Variants in OPCML observed in about 807,000 individuals in gnomAD.
The protein encoded by OPCML is opioid-binding protein/cell adhesion molecule.
In OPCML, 13 loss-of-function variants were observed where a neutral mutation model predicts 37.8. The observed-to-expected ratio is 0.34, with a 90% CI of 0.22 to 0.55. The LOEUF (loss-of-function observed/expected upper bound fraction) is 0.55. Among genes scored for constraint, OPCML ranks in the 20% least tolerant of loss-of-function variants. The pLI, the probability that OPCML is intolerant of heterozygous loss-of-function variation, is 0.91. For synonymous variants in OPCML, 176 were observed against 168.8 expected, an observed-to-expected ratio of 1.04 and a Z score of -0.33; for missense variants, 341 against 435.6, an observed-to-expected ratio of 0.78 and a Z score of 1.93.
chr11:132,946,818 T>C (rs1436313317), intron 1 of OPCML, among the ~76,000 whole-genome samples: 5 of 152,208 alleles, frequency 3.3e-5, no homozygotes, highest in Non-Finnish European at 7.3e-5. Flanking sequence ...ATGACACATG[T>C]CTTTTCTCAA....
At chr11:133,194,516 G>C (rs1034863127) in intron 1 of OPCML, among the ~76,000 whole-genome samples, 1 of 152,042 alleles carries the variant, frequency 6.6e-6, no homozygotes, top group Non-Finnish European at 1.5e-5. Flanking sequence ...GGCTGCTTCA[G>C]TTTTCTACAT....
intron 2 of OPCML, among the ~76,000 whole-genome samples, chr11:132,851,487 A>C (rs1161567839): frequency 6.6e-6 from 1 of 152,152 alleles, no homozygotes; most frequent in African/African-American, 2.4e-5. Context: ...CCTCCCAAAC[A>C]GGTTTCCCTG....
chr11:133,005,980 A>T (rs1396953405), intron 1 of OPCML: 2 of 985,288 alleles, frequency 2.0e-6, no homozygotes, highest in African/African-American at 3.5e-5. Flanking sequence ...AAAAGGGAAG[A>T]TGTCTCTTTT....
At chr11:133,003,287 C>T (rs369660542) in intron 1 of OPCML, among the ~76,000 whole-genome samples, 1 of 152,194 alleles carries the variant, frequency 6.6e-6, no homozygotes, top group African/African-American at 2.4e-5. Context: ...CAAGTGCCTT[C>T]CTGCTCCTTC....
At chr11:132,481,908 G>A (rs201006555) in intron 4 of OPCML, among the ~76,000 whole-genome samples, 3,576 of 144,464 alleles carry the variant, frequency 0.025, 130 homozygotes, top group African/African-American at 0.082. Context: ...TCTCTGGGAC[G>A]CATTCAAAGC....
intron 1 of OPCML, among the ~76,000 whole-genome samples, chr11:133,152,895 A>C (rs1253489400): frequency 6.7e-6 from 1 of 149,302 alleles, no homozygotes; most frequent in African/African-American, 2.5e-5. Context: ...TTTTATCATC[A>C]TTTTGCTAAT....
chr11:132,489,442 A>G (rs2096209324), intron 4 of OPCML, among the ~76,000 whole-genome samples: 1 of 152,282 alleles, frequency 6.6e-6, no homozygotes, highest in Admixed American at 6.5e-5. Context: ...TACAAAGACC[A>G]GTAACGATCG....
At chr11:132,842,261 C>T (rs1210015432) in intron 2 of OPCML, among the ~76,000 whole-genome samples, 5 of 152,148 alleles carry the variant, frequency 3.3e-5, no homozygotes, top group Admixed American at 6.5e-5. Context: ...CCTCTCACGC[C>T]GCACGTTCCA....
intron 2 of OPCML, among the ~76,000 whole-genome samples, chr11:132,815,303 G>A (rs943337008): frequency 2.0e-5 from 3 of 152,106 alleles, no homozygotes; most frequent in Admixed American, 6.5e-5. Flanking sequence ...CTGTCAGCCC[G>A]CTGAATATTT....
intron 1 of OPCML, among the ~76,000 whole-genome samples, chr11:132,949,892 A>G (rs1945821897): frequency 6.6e-6 from 1 of 152,234 alleles, no homozygotes; most frequent in South Asian, 2.1e-4. Flanking sequence ...CAAGCTATAC[A>G]TTAAGAAAAG....
rs999026240 is a variant in OPCML at position 132,543,909 on chromosome 11, T to C, written c.380-14723A>G. Among the ~76,000 whole-genome samples the C allele has an allele frequency of 1.4e-4, 22 of 152,152 alleles. 1 individual carries two copies. The highest frequency in any genetic ancestry group is 4.4e-5 in the Non-Finnish European group (3 of 68,010). On this transcript the variant is annotated intron_variant, in intron 3 of 7. Coordinates refer to ENST00000524381, the MANE Select transcript of OPCML (RefSeq NM_001012393.5). ...TTCAAATCTTTAAAACCTTCCTCAA[T>C]TCCAACAAACCTGGAGAGTCTGGAA...
At chr11:132,902,066 C>A (rs1944082448) in intron 2 of OPCML, among the ~76,000 whole-genome samples, 1 of 152,160 alleles carries the variant, frequency 6.6e-6, no homozygotes, top group African/African-American at 2.4e-5. Context: ...AATGAAGATA[C>A]TTCTAATGTT....
intron 1 of OPCML, among the ~76,000 whole-genome samples, chr11:133,235,648 G>C (rs2136397361): frequency 6.6e-6 from 1 of 152,306 alleles, no homozygotes. Context: ...TTAGGAAACT[G>C]AACGCTGGCT....
intron 1 of OPCML, chr11:133,024,788 A>G: frequency 1.0e-6 from 1 of 984,942 alleles, no homozygotes; most frequent in Non-Finnish European, 1.2e-6. Context: ...GGAGTGTAAA[A>G]TGACTCTCCC....
At chr11:133,270,024 G>C (rs1000723112) in intron 1 of OPCML, among the ~76,000 whole-genome samples, 1 of 152,196 alleles carries the variant, frequency 6.6e-6, no homozygotes, top group East Asian at 1.9e-4. Flanking sequence ...GGGAGCTCCT[G>C]CATGCCGACA....
rs552975395 is a variant in OPCML at position 133,077,470 on chromosome 11, A to G, written c.62-134460T>C. On this transcript the variant is annotated intron_variant, in intron 1 of 7. Coordinates refer to ENST00000524381, the MANE Select transcript of OPCML (RefSeq NM_001012393.5). ...ATACAATTTTAAGACTGTAATGTGAAAAGTGAAATTATAAAATCAATAAAG... is the reference window on the plus strand; with the variant it reads ...ATACAATTTTAAGACTGTAATGTGAGAAGTGAAATTATAAAATCAATAAAG... 2.6e-5 allele frequency among the ~76,000 whole-genome samples: 4 copies of G among 152,342 alleles called. No individual in the cohort carries two copies. The East Asian group carries it at 7.7e-4, about 29-fold the overall frequency.
chr11:132,855,097 T>A (rs1941999917), intron 2 of OPCML, among the ~76,000 whole-genome samples: 1 of 152,184 alleles, frequency 6.6e-6, no homozygotes, highest in Non-Finnish European at 1.5e-5. Context: ...AGGCATAATT[T>A]GTATAATTCC....
chr11:132,503,062 C>T (rs758564601), intron 4 of OPCML, among the ~76,000 whole-genome samples: 1 of 152,088 alleles, frequency 6.6e-6, no homozygotes, highest in Non-Finnish European at 1.5e-5. Context: ...AGCAGAGTCA[C>T]CTGGGGTCTT....
intron 4 of OPCML, among the ~76,000 whole-genome samples, chr11:132,496,455 A>C (rs921399293): frequency 6.6e-6 from 1 of 152,204 alleles, no homozygotes; most frequent in Non-Finnish European, 1.5e-5. Context: ...CTTGTTAGGA[A>C]AATAATTTGG....
Sources: gnomAD v4.1 joint callset for allele counts (sites outside exome capture counted in the v4.1 genomes callset) on GRCh38, gnomAD v4.1.1 for gene constraint, MANE v1.5 for transcripts, NCBI Gene and HGNC (gene_info 2026-07-23, HGNC 2026-07-21) for gene names.